GIGYF2: variants seen among roughly 807,000 people sequenced by gnomAD.
GIGYF2 encodes GRB10 interacting GYF protein 2.
In GIGYF2, 25 loss-of-function variants were observed where a neutral mutation model predicts 208.1. The observed-to-expected ratio is 0.12, with a 90% CI of 0.09 to 0.17. GIGYF2 has a LOEUF of 0.17. Ranked by LOEUF, GIGYF2 falls within the 10% of genes least tolerant of loss-of-function variation. The probability of loss-of-function intolerance (pLI) is 1.00; values close to 1 mark genes in which losing one functional copy is unlikely to be tolerated. For missense variants in GIGYF2, 1,302 were observed against 1,579.4 expected, an observed-to-expected ratio of 0.82 and a Z score of 2.98; for synonymous variants, 534 against 543.8, an observed-to-expected ratio of 0.98 and a Z score of 0.25.
Position 232,739,521 on chromosome 2 carries a change from A to T in GIGYF2, c.41+4283A>T, listed in dbSNP as rs139329085. Among the ~76,000 whole-genome samples, 1,330 of 149,820 alleles carry T rather than the reference A, an allele frequency of 8.9e-3. 35 individuals carry two copies. The highest frequency in any genetic ancestry group is 0.056 in the Admixed American group (835 of 15,032). ...GATCCTCTTCTCTACAAAAAAAATTAAAAAAAAATTAGCTGGGCGTGGTGG... is the reference window on the plus strand; with the variant it reads ...GATCCTCTTCTCTACAAAAAAAATTTAAAAAAAATTAGCTGGGCGTGGTGG... On this transcript the variant is annotated intron_variant, in intron 3 of 28. Coordinates refer to ENST00000373563, the MANE Select transcript of GIGYF2 (RefSeq NM_001103146.3).
intron 2 of GIGYF2, chr2:232,718,996 CTT>C (rs35821380): frequency 5.5e-5 from 8 of 145,386 alleles, no homozygotes; most frequent in Non-Finnish European, 6.1e-5. Flanking sequence ...TGTAGTAGCA[CTT>C]TTTTTTTTTT....
At chr2:232,710,520 C>T (rs1696340837) in intron 2 of GIGYF2, among the ~76,000 whole-genome samples, 1 of 152,126 alleles carries the variant, frequency 6.6e-6, no homozygotes, top group African/African-American at 2.4e-5. Context: ...GGTGGTTGAG[C>T]AAAACACATA....
intron 2 of GIGYF2, among the ~76,000 whole-genome samples, chr2:232,704,886 G>T (rs548403935): frequency 1.9e-5 from 2 of 105,734 alleles, no homozygotes; most frequent in East Asian, 3.1e-4. Flanking sequence ...TTGAGACAGA[G>T]TCTCGCTCTT....
chr2:232,748,067 C>T (rs1401795686), intron 4 of GIGYF2, among the ~76,000 whole-genome samples: 1 of 152,108 alleles, frequency 6.6e-6, no homozygotes, highest in African/African-American at 2.4e-5. Flanking sequence ...TTTCCTTTCT[C>T]TTTATTGTAC....
chr2:232,783,704 GA>G (rs1463242244), intron 8 of GIGYF2, among the ~76,000 whole-genome samples: 3 of 148,488 alleles, frequency 2.0e-5, no homozygotes, highest in Middle Eastern at 3.4e-3. Flanking sequence ...TTGTTTGTTT[GA>G]GATGGAGTTT....
chr2:232,822,554 G>A (rs1429818170), intron 21 of GIGYF2, among the ~76,000 whole-genome samples: 2 of 152,146 alleles, frequency 1.3e-5, no homozygotes, highest in African/African-American at 2.4e-5. Context: ...GGTGGCGTGC[G>A]CCTGTAATCC....
chr2:232,754,728 A>G (rs1042858299), intron 5 of GIGYF2, among the ~76,000 whole-genome samples: 1 of 152,164 alleles, frequency 6.6e-6, no homozygotes, highest in African/African-American at 2.4e-5. Context: ...GTTAATATAT[A>G]TGTTTCAATC....
intron 22 of GIGYF2, among the ~76,000 whole-genome samples, chr2:232,836,916 T>C (rs1466818219): frequency 6.6e-6 from 1 of 152,194 alleles, no homozygotes; most frequent in Non-Finnish European, 1.5e-5. Context: ...ACCTGTTTCC[T>C]ACACCACTAC....
intron 2 of GIGYF2, among the ~76,000 whole-genome samples, chr2:232,713,887 A>G (rs933648610): frequency 2.6e-5 from 4 of 151,662 alleles, no homozygotes; most frequent in Non-Finnish European, 5.9e-5. Context: ...ATACTTTGCT[A>G]GGTTTGTCCA....
In GIGYF2 at chr2:232,701,607, A is replaced by G. The variant is rs1049553681; in HGVS notation, c.-109-1817A>G. Among the ~76,000 whole-genome samples, 21 of 151,804 alleles carry G rather than the reference A, an allele frequency of 1.4e-4. 1 individual carries two copies. Among genetic ancestry groups the G allele is most frequent in the Admixed American group, 9.8e-4 (15 of 15,290 alleles). ...ACCACATCTGGCCAATATTTTTTGT[A>G]GAGATGGGGTCTCACTATGTTGCCT... On this transcript the variant is annotated intron_variant, in intron 1 of 28. Transcript: ENST00000373563.
intron 6 of GIGYF2, 144 bp from the exon 7 acceptor site, chr2:232,760,336 C>T (rs764959853): frequency 4.7e-5 from 31 of 665,258 alleles, no homozygotes; most frequent in Non-Finnish European, 7.6e-5. Context: ...TCTCATAAGT[C>T]AAGATCATCA....
At chr2:232,726,959 T>G (rs760514993) in intron 2 of GIGYF2, among the ~76,000 whole-genome samples, 5 of 152,226 alleles carry the variant, frequency 3.3e-5, no homozygotes, top group African/African-American at 9.6e-5. Flanking sequence ...TGTGGAATGT[T>G]ACACAGCTTG....
chr2:232,844,663 T>A, intron 25 of GIGYF2, 89 bp downstream of exon 25: 1 of 856,306 alleles, frequency 1.2e-6, no homozygotes, highest in Non-Finnish European at 1.9e-6. Context: ...CAGGAAAAGG[T>A]AGTTATTGAG....
intron 23 of GIGYF2, among the ~76,000 whole-genome samples, chr2:232,840,258 G>T (rs559311951): frequency 6.6e-5 from 10 of 152,324 alleles, no homozygotes; most frequent in Non-Finnish European, 1.3e-4. Context: ...GTTCAAAATT[G>T]TGGGTGAGTT....
At chr2:232,704,706 C>T (rs1354493285) in intron 2 of GIGYF2, among the ~76,000 whole-genome samples, 2 of 150,804 alleles carry the variant, frequency 1.3e-5, no homozygotes, top group East Asian at 2.0e-4. Context: ...CTTCTTAGTG[C>T]AGTTTTTAAA....
chr2:232,797,527 T>TGTGTG (rs1222091331), intron 14 of GIGYF2, among the ~76,000 whole-genome samples: 6 of 66,392 alleles, frequency 9.0e-5, no homozygotes, highest in East Asian at 6.9e-4. Flanking sequence ...GTGTGTGTGT[T>TGTGTG]TTAACCAAAT....
intron 2 of GIGYF2, among the ~76,000 whole-genome samples, chr2:232,715,583 A>G (rs1008073010): frequency 7.9e-5 from 12 of 151,968 alleles, no homozygotes; most frequent in African/African-American, 2.9e-4. Context: ...TTTCTGGGAA[A>G]AAAAAAAAAA....
intron 8 of GIGYF2, chr2:232,771,411 CTGTTT>C: frequency 1.5e-6 from 2 of 1,374,188 alleles, no homozygotes; most frequent in Non-Finnish European, 2.1e-6. Context: ...AAGCTCTTAA[CTGTTT>C]TATAGTTAAT....
intron 2 of GIGYF2, among the ~76,000 whole-genome samples, chr2:232,713,071 A>G (rs1384994560): frequency 9.2e-6 from 1 of 109,102 alleles, no homozygotes; most frequent in African/African-American, 3.8e-5. Flanking sequence ...AAAAGTGTAG[A>G]AAAAACTTCT....
Sources: allele counts gnomAD v4.1 joint callset (sites outside exome capture counted in the v4.1 genomes callset), GRCh38; gene constraint gnomAD v4.1.1; transcripts MANE v1.5; gene names NCBI Gene and HGNC (gene_info 2026-07-23, HGNC 2026-07-21).